Variants in DPY19L3 observed in about 807,000 individuals in gnomAD.
DPY19L3 encodes protein C-mannosyl-transferase DPY19L3.
Under a neutral mutation model 92.3 loss-of-function variants are expected in DPY19L3, and 51 were observed. That is an observed-to-expected ratio of 0.55 (90% CI 0.44 to 0.70). The LOEUF is 0.70. DPY19L3 is among the 30% of genes least tolerant of loss of function. The probability of loss-of-function intolerance (pLI) is 0.00; values close to 1 mark genes in which losing one functional copy is unlikely to be tolerated. For missense variants in DPY19L3, 706 were observed against 855.9 expected, an observed-to-expected ratio of 0.82 and a Z score of 2.18; for synonymous variants, 309 against 315.2, an observed-to-expected ratio of 0.98 and a Z score of 0.21.
intron 14 of DPY19L3, among the ~76,000 whole-genome samples, chr19:32,464,390 T>G (rs570144300): frequency 1.3e-5 from 2 of 152,188 alleles, no homozygotes; most frequent in Non-Finnish European, 2.9e-5. Flanking sequence ...ATTCACTAGG[T>G]GGCAATATAG....
Position 32,463,394 on chromosome 19 carries a change from A to G in DPY19L3, c.1351A>G (p.Lys451Glu). 1.2e-6 allele frequency: 2 copies of G among 1,613,808 alleles called. No individual in the cohort carries two copies. The highest frequency in any genetic ancestry group is 1.7e-6 in the Non-Finnish European group (2 of 1,179,762). ...TTCTACAAATCAACAATCCGTGGGT[A>G]AAATGGAAAAAGGCACAGTTGACCT... Reference protein sequence around the residue: ...SDSTNQQSVGKMEKGTVDLKP... With the variant: ...SDSTNQQSVGEMEKGTVDLKP... Residue 451 changes from lysine (K) to glutamate (E), a missense_variant, in exon 13 of 19, where the codon AAA (lysine) becomes GAA (glutamate). Physicochemically the swap from Lys to Glu is moderately conservative, Grantham distance 56. Coordinates refer to ENST00000392250, the MANE Select transcript of DPY19L3 (RefSeq NM_001172774.2).
intron 2 of DPY19L3, among the ~76,000 whole-genome samples, chr19:32,409,377 T>C (rs963312039): frequency 1.3e-5 from 2 of 152,220 alleles, no homozygotes; most frequent in Non-Finnish European, 2.9e-5. Context: ...TTAACGTATT[T>C]TTGAAATATC....
intron 18 of DPY19L3, 77 bp from the exon 19 acceptor site, chr19:32,482,002 T>C (rs1393058245): frequency 6.0e-6 from 9 of 1,502,710 alleles, no homozygotes; most frequent in Non-Finnish European, 8.2e-6. Context: ...TTAAACCCAA[T>C]ACCCATTCCT....
intron 2 of DPY19L3, 134 bp from the exon 3 acceptor site, chr19:32,411,105 C>A (rs1968164264): frequency 2.4e-6 from 2 of 829,060 alleles, no homozygotes; most frequent in Non-Finnish European, 3.7e-6. Context: ...CAGAAAGGAC[C>A]CTCCGCTGGA....
intron 3 of DPY19L3, among the ~76,000 whole-genome samples, chr19:32,417,123 G>A (rs1968404018): frequency 6.6e-6 from 1 of 152,230 alleles, no homozygotes; most frequent in African/African-American, 2.4e-5. Context: ...GGGACAAAGA[G>A]CAGCCAGATT....
At chr19:32,430,324 G>A (rs934711450) in intron 3 of DPY19L3, among the ~76,000 whole-genome samples, 8 of 152,066 alleles carry the variant, frequency 5.3e-5, no homozygotes, top group Admixed American at 3.9e-4. Flanking sequence ...CAAAGGCTAC[G>A]ATGAGCCGTG....
chr19:32,471,504 C>A (rs1198811788), intron 16 of DPY19L3, among the ~76,000 whole-genome samples: 1 of 152,176 alleles, frequency 6.6e-6, no homozygotes, highest in Non-Finnish European at 1.5e-5. Flanking sequence ...CCTCAAGTGA[C>A]CCTCCATTTT....
intron 12 of DPY19L3, among the ~76,000 whole-genome samples, chr19:32,462,297 GGAT>G (rs1162838131): frequency 6.6e-6 from 1 of 152,102 alleles, no homozygotes; most frequent in Non-Finnish European, 1.5e-5. Flanking sequence ...CAGGACCAAG[GGAT>G]GATGATCTGA....
At chr19:32,446,421 T>C (rs953257575) in intron 8 of DPY19L3, among the ~76,000 whole-genome samples, 1 of 152,114 alleles carries the variant, frequency 6.6e-6, no homozygotes, top group Non-Finnish European at 1.5e-5. Flanking sequence ...AATATACTAA[T>C]TAAAGAGATG....
intron 8 of DPY19L3, among the ~76,000 whole-genome samples, chr19:32,444,699 T>C (rs1043043938): frequency 2.0e-5 from 3 of 152,100 alleles, no homozygotes; most frequent in Non-Finnish European, 4.4e-5. Flanking sequence ...TTTTGGAGAC[T>C]AAAGATAAAT....
chr19:32,419,069 T>C (rs534981041), intron 3 of DPY19L3, among the ~76,000 whole-genome samples: 1 of 152,294 alleles, frequency 6.6e-6, no homozygotes, highest in African/African-American at 2.4e-5. Context: ...AAATTGAAAG[T>C]ATTCAAGATT....
At position 32,482,067 on chromosome 19, in the gene DPY19L3, T is replaced by C. The variant is rs1269376730; in HGVS notation, c.1990-12T>C. The C allele has an allele frequency of 6.2e-7, 1 of 1,605,700 alleles. No homozygotes were observed. Among genetic ancestry groups the C allele is most frequent in the African/African-American group, 1.3e-5 (1 of 74,412 alleles). On this transcript the variant is annotated splice_polypyrimidine_tract_variant and intron_variant, in intron 18 of 18. Coordinates refer to ENST00000392250, the MANE Select transcript of DPY19L3 (RefSeq NM_001172774.2). The stretch of plus-strand genomic sequence containing the variant: ...TCCCCCCAAATTGTATTTGGGTTTG[T>C]TTTGGTTTTAGATGATGGATGGCCC...
At chr19:32,466,155 G>T (rs983256815) in intron 15 of DPY19L3, among the ~76,000 whole-genome samples, 7 of 152,142 alleles carry the variant, frequency 4.6e-5, no homozygotes, top group African/African-American at 1.7e-4. Flanking sequence ...GCTATTTGAG[G>T]ACTGAGGTGT....
chr19:32,460,560 A>C (rs1970006110), intron 12 of DPY19L3, among the ~76,000 whole-genome samples: 1 of 152,226 alleles, frequency 6.6e-6, no homozygotes, highest in African/African-American at 2.4e-5. Context: ...ACTATTGTAG[A>C]CTTTATAAAC....
At chr19:32,446,402 A>G (rs1242324615) in intron 8 of DPY19L3, among the ~76,000 whole-genome samples, 1 of 152,210 alleles carries the variant, frequency 6.6e-6, no homozygotes, top group Admixed American at 6.5e-5. Context: ...ATTAAAGGTA[A>G]ATGATCTAAA....
At chr19:32,436,126 G>A (rs1255344063) in intron 4 of DPY19L3, among the ~76,000 whole-genome samples, 3 of 152,264 alleles carry the variant, frequency 2.0e-5, no homozygotes, top group Non-Finnish European at 4.4e-5. Flanking sequence ...ACTGCAGGTT[G>A]CATGGCAGGA....
intron 3 of DPY19L3, among the ~76,000 whole-genome samples, chr19:32,420,579 A>G (rs1031612494): frequency 2.6e-5 from 4 of 151,934 alleles, no homozygotes; most frequent in Admixed American, 1.3e-4. Flanking sequence ...TGAGTAGAGT[A>G]GCTGGGATTA....
At chr19:32,429,740 C>T (rs1341897484) in intron 3 of DPY19L3, among the ~76,000 whole-genome samples, 1 of 152,126 alleles carries the variant, frequency 6.6e-6, no homozygotes, top group African/African-American at 2.4e-5. Flanking sequence ...CCTTTGAACA[C>T]TTTAAGGAAG....
intron 12 of DPY19L3, among the ~76,000 whole-genome samples, chr19:32,463,145 G>A (rs942703695): frequency 8.0e-5 from 12 of 150,734 alleles, no homozygotes; most frequent in Non-Finnish European, 1.6e-4. Flanking sequence ...TTACTTCAAA[G>A]CTGCTGTGAA....
Sources: gnomAD v4.1 joint callset for allele counts (sites outside exome capture counted in the v4.1 genomes callset) on GRCh38, gnomAD v4.1.1 for gene constraint, MANE v1.5 for transcripts, NCBI Gene and HGNC (gene_info 2026-07-23, HGNC 2026-07-21) for gene names.